HDAC9: variants seen among roughly 807,000 people sequenced by gnomAD.
HDAC9 encodes histone deacetylase 9.
Under a neutral mutation model 139.4 loss-of-function variants are expected in HDAC9, and 41 were observed. The observed-to-expected ratio is 0.29, with a 90% CI of 0.23 to 0.38. The LOEUF (loss-of-function observed/expected upper bound fraction) is 0.38, where lower values mean the gene tolerates loss of function less well. Ranked by LOEUF, HDAC9 falls within the 10% of genes least tolerant of loss-of-function variation. The probability of loss-of-function intolerance (pLI) is 1.00; values close to 1 mark genes in which losing one functional copy is unlikely to be tolerated. For missense variants in HDAC9, 1,147 were observed against 1,297.0 expected (o/e 0.88, Z 1.78); for synonymous variants, 517 against 476.2 (o/e 1.09, Z -1.12).
At chr7:18,981,709 AATTAG>A (rs1352793385) in intron 25 of HDAC9, among the ~76,000 whole-genome samples, 1 of 152,144 alleles carries the variant, frequency 6.6e-6, no homozygotes, top group Non-Finnish European at 1.5e-5. Context: ...GGGCTCATAT[AATTAG>A]ATTAGACTCA....
intron 11 of HDAC9, among the ~76,000 whole-genome samples, chr7:18,654,707 G>A (rs893304564): frequency 6.6e-6 from 1 of 151,758 alleles, no homozygotes; most frequent in Non-Finnish European, 1.5e-5. Flanking sequence ...TAAAAACAAG[G>A]CAAACAAACA....
chr7:18,758,803 TG>T (rs1789110900), intron 14 of HDAC9, among the ~76,000 whole-genome samples: 1 of 145,348 alleles, frequency 6.9e-6, no homozygotes. Context: ...TTTTTTTTTT[TG>T]GTACTGAATT....
chr7:18,878,208 T>G (rs1799466039), intron 22 of HDAC9, among the ~76,000 whole-genome samples: 1 of 152,168 alleles, frequency 6.6e-6, no homozygotes, highest in Non-Finnish European at 1.5e-5. Flanking sequence ...AAAAAAAGCT[T>G]CTTTGGTTTA....
At chr7:18,093,764 A>G (rs895991836) in intron 1 of HDAC9, among the ~76,000 whole-genome samples, 7 of 152,114 alleles carry the variant, frequency 4.6e-5, no homozygotes, top group East Asian at 1.9e-4. Flanking sequence ...TGAAAAGTCT[A>G]TTGAGACATT....
chr7:18,948,964 C>A (rs1782595742), intron 23 of HDAC9: 1 of 377,800 alleles, frequency 2.6e-6, no homozygotes, highest in Non-Finnish European at 5.0e-6. Flanking sequence ...GGAAGCAGTT[C>A]TTCACATAAT....
chr7:18,289,556 C>T (rs1797676826), upstream of HDAC9, among the ~76,000 whole-genome samples: 1 of 152,122 alleles, frequency 6.6e-6, no homozygotes, highest in Admixed American at 6.5e-5. Flanking sequence ...AGTGAGGCTT[C>T]AGGATGATTT....
At position 18,918,615 on chromosome 7, in the gene HDAC9, C is replaced by G. The variant is rs143887800; in HGVS notation, c.2804-17194C>G. 1.2e-4 allele frequency among the ~76,000 whole-genome samples: 18 copies of G among 152,126 alleles called. No individual in the cohort carries two copies. In the East Asian group the frequency reaches 3.5e-3, roughly 29 times the overall value. ...CTTACTACCTTTTCACACTTATTGT[C>G]TGTCTCTCCTCCACTAAAAGATTAA... On this transcript the variant is annotated intron_variant, in intron 22 of 25. Transcript: ENST00000686413.
intron 2 of HDAC9, among the ~76,000 whole-genome samples, chr7:18,274,118 T>C (rs1340359330): frequency 6.6e-6 from 1 of 152,236 alleles, no homozygotes; most frequent in African/African-American, 2.4e-5. Flanking sequence ...AAGGGACATG[T>C]ACAGGAATAT....
At chr7:18,477,410 C>CGTGT (rs141824569) in intron 1 of HDAC9, among the ~76,000 whole-genome samples, 6 of 150,990 alleles carry the variant, frequency 4.0e-5, no homozygotes, top group African/African-American at 1.5e-4. Flanking sequence ...TGCGTGCATG[C>CGTGT]GTGTGTGTGT....
intron 24 of HDAC9, among the ~76,000 whole-genome samples, chr7:18,969,648 G>T (rs149267653): frequency 1.0e-3 from 154 of 151,854 alleles, no homozygotes; most frequent in African/African-American, 3.7e-3. Context: ...AAATTAAAAA[G>T]ATAAAAACCA....
At chr7:18,420,068 C>T (rs75671415) in intron 1 of HDAC9, among the ~76,000 whole-genome samples, 319 of 152,206 alleles carry the variant, frequency 2.1e-3, no homozygotes, top group African/African-American at 7.3e-3. Context: ...AGAAGCGGAC[C>T]TGTGTGAGAT....
chr7:18,768,798 T>C (rs1247266975), intron 16 of HDAC9, among the ~76,000 whole-genome samples: 5 of 152,170 alleles, frequency 3.3e-5, no homozygotes, highest in Admixed American at 6.6e-5. Flanking sequence ...CAATTTATGA[T>C]TTTTTGATTT....
intron 1 of HDAC9, among the ~76,000 whole-genome samples, chr7:18,315,204 C>G (rs1799559403): frequency 6.6e-6 from 1 of 152,052 alleles, no homozygotes; most frequent in Non-Finnish European, 1.5e-5. Flanking sequence ...GTTCTGTTTC[C>G]TATACCTTAT....
chr7:18,575,377 C>G (rs1013171560), intron 2 of HDAC9, among the ~76,000 whole-genome samples: 7 of 151,638 alleles, frequency 4.6e-5, no homozygotes, highest in African/African-American at 1.5e-4. Context: ...TGCAGCTTAC[C>G]AGTTCTGGTG....
intron 16 of HDAC9, among the ~76,000 whole-genome samples, chr7:18,785,095 T>A (rs1482139226): frequency 6.6e-6 from 1 of 152,022 alleles, no homozygotes; most frequent in African/African-American, 2.4e-5. Flanking sequence ...AAAATTGCAG[T>A]ACTTTCCTTT....
intron 1 of HDAC9, among the ~76,000 whole-genome samples, chr7:18,456,408 G>A (rs1343187448): frequency 6.6e-6 from 1 of 152,010 alleles, no homozygotes; most frequent in Non-Finnish European, 1.5e-5. Flanking sequence ...GCTAATTTTT[G>A]TATTTTTAGT....
chr7:18,264,936 T>A lies in HDAC9; in HGVS notation c.25+102587T>A, dbSNP rs554789088. ...AGATAGTCCACATCTTTTTATGGAC[T>A]TTTTGTTTTATTATAGGCTTTAGTG... On this transcript the variant is annotated intron_variant, in intron 2 of 12. Coordinates refer to the HDAC9 transcript ENST00000417496. 2.0e-5 allele frequency among the ~76,000 whole-genome samples: 3 copies of A among 152,326 alleles called. No individual in the cohort carries two copies. In the East Asian group the frequency reaches 5.8e-4, roughly 29 times the overall value.
upstream of HDAC9, among the ~76,000 whole-genome samples, chr7:18,493,190 GT>G (rs1796492013): frequency 6.6e-6 from 1 of 151,490 alleles, no homozygotes; most frequent in Non-Finnish European, 1.5e-5. Flanking sequence ...ATCAATTGTT[GT>G]TTGAAGGTGT....
chr7:18,966,991 C>T (rs2129332029), intron 24 of HDAC9, among the ~76,000 whole-genome samples: 1 of 152,362 alleles, frequency 6.6e-6, no homozygotes, highest in South Asian at 2.1e-4. Flanking sequence ...GAGTGCTCTA[C>T]TTCTGTCTCC....
Sources: allele counts gnomAD v4.1 joint callset (sites outside exome capture counted in the v4.1 genomes callset), GRCh38; gene constraint gnomAD v4.1.1; transcripts MANE v1.5; gene names NCBI Gene and HGNC (gene_info 2026-07-23, HGNC 2026-07-21).